The following UHRF1 variants were observed in gnomAD, a reference collection of about 807,000 sequenced individuals.
UHRF1 encodes ubiquitin like with PHD and ring finger domains 1, also known as E3 ubiquitin-protein ligase UHRF1.
A neutral mutation model predicts 96.5 loss-of-function variants in UHRF1; 9 were observed. That is an observed-to-expected ratio of 0.09 (90% CI 0.06 to 0.16). The LOEUF (loss-of-function observed/expected upper bound fraction) is 0.16, where lower values mean the gene tolerates loss of function less well. UHRF1 is among the 10% of genes least tolerant of loss of function. The pLI, the probability that UHRF1 is intolerant of heterozygous loss-of-function variation, is 1.00. For missense variants in UHRF1, 626 were observed against 1,131.1 expected (o/e 0.55, Z 6.40); for synonymous variants, 455 against 469.9 (o/e 0.97, Z 0.41).
At chr19:4,940,881 C>T (rs909573189) in intron 5 of UHRF1, among the ~76,000 whole-genome samples, 6 of 151,776 alleles carry the variant, frequency 4.0e-5, no homozygotes, top group Admixed American at 6.6e-5. Context: ...CCATGTTGGC[C>T]AGGCTGGTCT....
intron 15 of UHRF1, among the ~76,000 whole-genome samples, chr19:4,955,186 C>T (rs899677602): frequency 1.3e-5 from 2 of 152,130 alleles, no homozygotes; most frequent in African/African-American, 4.8e-5. Flanking sequence ...GAGTGCAAAG[C>T]GACTCACATC....
intron 15 of UHRF1, among the ~76,000 whole-genome samples, chr19:4,956,255 G>A (rs560592116): frequency 6.6e-6 from 1 of 152,272 alleles, no homozygotes; most frequent in Admixed American, 6.5e-5. Context: ...TTGTAGAGAT[G>A]GGGGTCTCAC....
At chr19:4,956,371 C>G (rs2033857101) in intron 15 of UHRF1, among the ~76,000 whole-genome samples, 1 of 152,232 alleles carries the variant, frequency 6.6e-6, no homozygotes, top group Non-Finnish European at 1.5e-5. Flanking sequence ...AGCCAGGAAC[C>G]TCTCCTAAAG....
At chr19:4,945,283 G>T (rs1599287152) in intron 9 of UHRF1, among the ~76,000 whole-genome samples, 1 of 152,116 alleles carries the variant, frequency 6.6e-6, no homozygotes, top group South Asian at 2.1e-4. Context: ...TTTTGAGACG[G>T]AGTCTTGCTC....
At chr19:4,905,834 T>C (rs2032054859), upstream of UHRF1, among the ~76,000 whole-genome samples, 1 of 152,148 alleles carries the variant, frequency 6.6e-6, no homozygotes, top group Non-Finnish European at 1.5e-5. Context: ...GTGTATTTTA[T>C]GTGTGGCCCA....
intron 4 of UHRF1, among the ~76,000 whole-genome samples, chr19:4,932,389 C>G (rs1448373921): frequency 6.6e-6 from 1 of 152,218 alleles, no homozygotes; most frequent in South Asian, 2.1e-4. Context: ...TCTAAAGACA[C>G]CAGTCCTGTT....
Position 4,910,877 on chromosome 19 carries a change from G to C in UHRF1, c.-9G>C, listed in dbSNP as rs2261988. The C allele has an allele frequency of 6.2e-7, 1 of 1,604,182 alleles. No individual in the cohort carries two copies. Among genetic ancestry groups the C allele is most frequent in the East Asian group, 2.2e-5 (1 of 44,588 alleles). ...GGTTTTTGCTGTCCCTCCCCTCAGCGCCGACACCATGTGGATCCAGGTTCG... is the reference window on the plus strand; with the variant it reads ...GGTTTTTGCTGTCCCTCCCCTCAGCCCCGACACCATGTGGATCCAGGTTCG... On this transcript the variant is annotated splice_region_variant and 5_prime_UTR_variant, in exon 2 of 17. Transcript: ENST00000650932.
upstream of UHRF1, among the ~76,000 whole-genome samples, chr19:4,905,108 CTTTTTT>C (rs61443004): frequency 3.2e-5 from 3 of 95,182 alleles, no homozygotes; most frequent in South Asian, 3.3e-4. Context: ...CGTAAACTTT[CTTTTTT>C]TTTTTTTTTT....
Position 4,929,441 on chromosome 19 carries a change from G to C in UHRF1, c.373G>C (p.Asp125His), listed in dbSNP as rs763760594. The change falls in exon 3 of 17, where the codon GAC becomes CAC. Residue 125 changes from aspartate to histidine, a missense_variant. By Grantham distance (81) the Asp-to-His change is moderately conservative. Coordinates refer to ENST00000650932, the MANE Select transcript of UHRF1 (RefSeq NM_001048201.3). ...AETDSRPADE[D>H]MWDETELGLY... ...GACTGACAGCAGGCCAGCCGATGAGGACATGTGGGATGAGACGGAATTGGG... is the reference window on the plus strand; with the variant it reads ...GACTGACAGCAGGCCAGCCGATGAGCACATGTGGGATGAGACGGAATTGGG... 1 of 1,613,934 alleles carries C rather than the reference G, an allele frequency of 6.2e-7. No individual in the cohort carries two copies. Among genetic ancestry groups the C allele is most frequent in the Non-Finnish European group, 8.5e-7 (1 of 1,179,882 alleles).
At chr19:4,942,379 A>G (rs1268354593) in intron 7 of UHRF1, among the ~76,000 whole-genome samples, 1 of 149,684 alleles carries the variant, frequency 6.7e-6, no homozygotes, top group Admixed American at 6.7e-5. Context: ...TTTAGTAGAG[A>G]TGGGGTTTCA....
At chr19:4,924,151 A>T (rs942904066) in intron 2 of UHRF1, among the ~76,000 whole-genome samples, 21 of 151,852 alleles carry the variant, frequency 1.4e-4, no homozygotes, top group Admixed American at 2.0e-4. Flanking sequence ...ATTAATTTTT[A>T]ATTTTTTTAT....
chr19:4,932,636 C>A, intron 4 of UHRF1, 105 bp from the exon 5 acceptor site: 2 of 1,208,062 alleles, frequency 1.7e-6, no homozygotes, highest in Non-Finnish European at 2.4e-6. Flanking sequence ...TTGGGAGGGG[C>A]CTCTGCACAC....
At chr19:4,937,404 C>T (rs2033249663) in intron 5 of UHRF1, among the ~76,000 whole-genome samples, 1 of 151,616 alleles carries the variant, frequency 6.6e-6, no homozygotes, top group Non-Finnish European at 1.5e-5. Context: ...CTCTGTTTCC[C>T]AGGCTGGAGT....
At chr19:4,916,404 C>T (rs1242418715) in intron 2 of UHRF1, among the ~76,000 whole-genome samples, 1 of 152,042 alleles carries the variant, frequency 6.6e-6, no homozygotes, top group Non-Finnish European at 1.5e-5. Flanking sequence ...CGGAGCCGTC[C>T]CTGGTGACGC....
intron 11 of UHRF1, among the ~76,000 whole-genome samples, chr19:4,948,849 C>T (rs1166900891): frequency 1.5e-5 from 2 of 137,596 alleles, no homozygotes; most frequent in Admixed American, 7.4e-5. Flanking sequence ...AGAGGCCAGG[C>T]GTGGTGGCTC....
chr19:4,917,377 C>T (rs903309554), intron 2 of UHRF1, among the ~76,000 whole-genome samples: 4 of 151,540 alleles, frequency 2.6e-5, no homozygotes, highest in East Asian at 1.9e-4. Context: ...TCCACAAGGC[C>T]GGGCGTGGTG....
At chr19:4,914,015 ATGTTG>A (rs1407617015) in intron 2 of UHRF1, among the ~76,000 whole-genome samples, 2 of 151,890 alleles carry the variant, frequency 1.3e-5, no homozygotes, top group African/African-American at 4.8e-5. Flanking sequence ...GGGTTTCTCC[ATGTTG>A]GTCAGGCTGG....
chr19:4,941,061 A>G (rs1397241589), intron 5 of UHRF1, among the ~76,000 whole-genome samples: 4 of 146,662 alleles, frequency 2.7e-5, no homozygotes, highest in African/African-American at 5.1e-5. Flanking sequence ...GCATCCTGCA[A>G]TGAAACTCTG....
upstream of UHRF1, among the ~76,000 whole-genome samples, chr19:4,907,414 G>A (rs369034331): frequency 6.6e-6 from 1 of 151,268 alleles, no homozygotes; most frequent in East Asian, 2.0e-4. Context: ...GATTACAGGC[G>A]CCGGCCACCA....
Sources: gnomAD v4.1 joint callset for allele counts (sites outside exome capture counted in the v4.1 genomes callset) on GRCh38, gnomAD v4.1.1 for gene constraint, MANE v1.5 for transcripts, NCBI Gene and HGNC (gene_info 2026-07-23, HGNC 2026-07-21) for gene names.